The following ZSCAN10 variants were observed in gnomAD, a reference collection of about 807,000 sequenced individuals.
ZSCAN10 encodes zinc finger and SCAN domain containing 10, also known as zinc finger and SCAN domain-containing protein 10.
In ZSCAN10, 52 loss-of-function variants were observed where a neutral mutation model predicts 63.7. The observed-to-expected ratio is 0.82, with a 90% CI of 0.65 to 1.03. ZSCAN10 has a LOEUF of 1.03. Among genes scored for constraint, ZSCAN10 ranks in the 50% least tolerant of loss-of-function variants. The pLI is 0.00. For synonymous variants in ZSCAN10, 544 were observed against 479.6 expected (o/e 1.13, Z -1.76); for missense variants, 1,223 against 1,103.8 (o/e 1.11, Z -1.53).
chr16:3,095,638 T>A (rs1957143303), intron 1 of ZSCAN10, among the ~76,000 whole-genome samples: 1 of 148,742 alleles, frequency 6.7e-6, no homozygotes, highest in South Asian at 2.1e-4. Flanking sequence ...ACCATCCTGG[T>A]TAACACGGTG....
chr16:3,097,745 A>G (rs1489794136), intron 1 of ZSCAN10, among the ~76,000 whole-genome samples: 1 of 152,194 alleles, frequency 6.6e-6, no homozygotes, highest in East Asian at 1.9e-4. Context: ...GTCTAGTTCA[A>G]TGAGTGTTCA....
intron 1 of ZSCAN10, among the ~76,000 whole-genome samples, chr16:3,098,067 GAA>G (rs1289644028): frequency 7.7e-6 from 1 of 130,494 alleles, no homozygotes; most frequent in East Asian, 2.2e-4. Flanking sequence ...AAAAAAGAAA[GAA>G]AGAAAGAAAA....
chr16:3,091,403 G>T (rs935234828), intron 5 of ZSCAN10, 137 bp downstream of exon 5: 1 of 915,372 alleles, frequency 1.1e-6, no homozygotes, highest in South Asian at 1.5e-5. Context: ...TAGTACTTTG[G>T]GAGGCTGAGG....
At position 3,089,353 on chromosome 16, in the gene ZSCAN10, G is replaced by T; in HGVS notation, c.2081C>A (p.Thr694Lys). 6.3e-7 allele frequency: 1 copy of T among 1,596,094 alleles called. No homozygotes were observed. ...GTTGCGCCGGAAGCTGCGACCGCAC[G>T]TCTGACAGCTGTAGGGCCGCTCGCC... is the stretch of plus-strand genomic sequence containing the variant. ...HTGERPYSCQTCGRSFRRNAH... is the reference protein window; with the variant it reads ...HTGERPYSCQKCGRSFRRNAH... Residue 694 changes from threonine (T) to lysine (K), a missense_variant, in exon 6 of 6, where the codon ACG becomes AAG. Transcript: ENST00000576985.
rs770431759 is a variant in ZSCAN10 at position 3,090,319 on chromosome 16, G to C, written c.1115C>G (p.Ala372Gly). 6.2e-7 allele frequency: 1 copy of C among 1,609,752 alleles called. No individual in the cohort carries two copies. The highest frequency in any genetic ancestry group is 8.5e-7 in the Non-Finnish European group (1 of 1,178,644). Residue 372 changes from alanine (A) to glycine (G), a missense_variant, in exon 6 of 6, where the codon GCT (alanine) becomes GGT (glycine). Physicochemically the swap from Ala to Gly is moderately conservative, Grantham distance 60 (BLOSUM62 0). Transcript: ENST00000576985. Reference protein sequence around the residue: ...LKAHQLRSHPAGRSFLCLCCG... With the variant: ...LKAHQLRSHPGGRSFLCLCCG... ...GCAAAGGCACAGGAAGGAGCGCCCA[G>C]CCGGGTGCGAGCGCAGCTGGTGCGC...
chr16:3,093,104 G>T, intron 1 of ZSCAN10, 100 bp from the exon 2 acceptor site: 1 of 921,798 alleles, frequency 1.1e-6, no homozygotes, highest in Non-Finnish European at 1.4e-6. Context: ...AGACCCAGAG[G>T]AATCGCTTTT....
Position 3,091,545 on chromosome 16 carries a change from G to C in ZSCAN10, c.782C>G (p.Pro261Arg). The change falls in exon 5 of 6, where the codon CCC (proline) becomes CGC (arginine). Residue 261 changes from proline (P) to arginine (R), a missense_variant. Transcript: ENST00000576985. ...TCCAGGGAAGGGTTGCTTACCCAGG[G>C]GGTGTGCAGGCCACGCCTTATTCTC... ...VPENKAWPAH[P>R]LGFGSRTPDK... 1 of 1,614,158 alleles carries C rather than the reference G, an allele frequency of 6.2e-7. No individual in the cohort carries two copies. Among genetic ancestry groups the C allele is most frequent in the East Asian group, 2.2e-5 (1 of 44,888 alleles).
intron 5 of ZSCAN10, among the ~76,000 whole-genome samples, chr16:3,091,171 G>A (rs1957069431): frequency 6.6e-6 from 1 of 152,166 alleles, no homozygotes. Flanking sequence ...AGTTAGCTGG[G>A]CGTGGTGGCA....
intron 1 of ZSCAN10, among the ~76,000 whole-genome samples, chr16:3,098,664 G>A (rs748752645): frequency 6.6e-6 from 1 of 152,150 alleles, no homozygotes; most frequent in Non-Finnish European, 1.5e-5. Context: ...ACCTCTGTTG[G>A]GGGTGGGCTG....
chr16:3,096,549 A>G (rs1957155004), intron 1 of ZSCAN10: 1 of 152,246 alleles, frequency 6.6e-6, no homozygotes, highest in Admixed American at 6.5e-5. Flanking sequence ...TACAACACCA[A>G]GCACCGCAGC....
intron 1 of ZSCAN10, among the ~76,000 whole-genome samples, chr16:3,096,915 T>C (rs2151218955): frequency 6.8e-6 from 1 of 146,040 alleles, no homozygotes; most frequent in East Asian, 2.0e-4. Flanking sequence ...GGCGACAGAA[T>C]TAGACTCTGC....
chr16:3,091,815 G>C lies in ZSCAN10; in HGVS notation c.678C>G (p.Pro226=), dbSNP rs776231045. 1.4e-5 allele frequency: 22 copies of C among 1,571,990 alleles called. No individual in the cohort carries two copies. Among genetic ancestry groups the C allele is most frequent in the Non-Finnish European group, 1.9e-5 (22 of 1,158,500 alleles). ...QALQESSPQG[P]SPWPEESSRD... is the part of the protein sequence containing the mutation. ...GGGAACTCTCCTCTGGCCATGGTGA[G>C]GGGCCCTGGGGACCTGACGGCATTG... Residue 226 remains proline (P), a synonymous_variant, in exon 4 of 6, where the codon CCC becomes CCG. Transcript: ENST00000576985.
Position 3,092,206 on chromosome 16 carries a change from C to T in ZSCAN10, c.507G>A (p.Ala169=), listed in dbSNP as rs376641050. 44 of 1,612,502 alleles carry T rather than the reference C, an allele frequency of 2.7e-5. No homozygotes were observed. Among genetic ancestry groups the T allele is most frequent in the Admixed American group, 1.2e-4 (7 of 60,008 alleles). ...ATGGGCCCAGCACTGAAGGCTCTTC[C>T]GCAGGCAATTCCTTCTTGGGGCTGT... ...PSHSPKKELP[A]EEPSVLGPSD... Residue 169 remains alanine (A), a synonymous_variant, in exon 3 of 6, where the codon GCG becomes GCA. Coordinates refer to ENST00000576985, the MANE Select transcript of ZSCAN10 (RefSeq NM_032805.3).
At chr16:3,098,992 G>A (rs1957189621) in intron 1 of ZSCAN10, among the ~76,000 whole-genome samples, 198 bp downstream of exon 1, 1 of 152,156 alleles carries the variant, frequency 6.6e-6, no homozygotes, top group Non-Finnish European at 1.5e-5. Flanking sequence ...GATCTCCCTC[G>A]TCCCCAACGC....
chr16:3,096,137 G>A (rs1334343791), intron 1 of ZSCAN10, among the ~76,000 whole-genome samples: 2 of 152,194 alleles, frequency 1.3e-5, no homozygotes, highest in Admixed American at 6.5e-5. Context: ...GGGAACCTCC[G>A]AAATTTCGGC....
rs374608894 is a variant in ZSCAN10, at chr16:3,090,144, G to A, written c.1290C>T (p.Pro430=). The A allele has an allele frequency of 1.2e-6, 2 of 1,600,484 alleles. No individual in the cohort carries two copies. Among genetic ancestry groups the A allele is most frequent in the South Asian group, 1.1e-5 (1 of 90,410 alleles). The part of the protein sequence containing the change: ...SKHLLTHSSE[P]AFLCAECGRG... ...GGCCGCACTCTGCGCACAGGAAGGC[G>A]GGTTCGGAGGAGTGGGTCAGCAGGT... Residue 430 remains proline, a synonymous_variant, in exon 6 of 6, where the codon CCC becomes CCT. Coordinates refer to ENST00000576985, the MANE Select transcript of ZSCAN10 (RefSeq NM_032805.3).
chr16:3,092,448 G>T, intron 2 of ZSCAN10, 94 bp downstream of exon 2: 1 of 1,477,490 alleles, frequency 6.8e-7, no homozygotes, highest in Non-Finnish European at 9.0e-7. Flanking sequence ...GGAATGGTCA[G>T]GTGGGGGAAA....
intron 1 of ZSCAN10, among the ~76,000 whole-genome samples, chr16:3,094,159 C>T (rs759997215): frequency 3.3e-5 from 5 of 152,064 alleles, no homozygotes; most frequent in Non-Finnish European, 7.4e-5. Flanking sequence ...ACTACAGGTG[C>T]ATATCACCAT....
At position 3,090,297 on chromosome 16, in the gene ZSCAN10, A is replaced by G. The variant is rs779361754; in HGVS notation, c.1137T>C (p.Leu379=). ...SHPAGRSFLC[L]CCGKSFGRSS... is the part of the protein sequence containing the mutation. ...TGCGGCCGAAGCTCTTCCCGCAGCA[A>G]AGGCACAGGAAGGAGCGCCCAGCCG... The change falls in exon 6 of 6, where the codon CTT becomes CTC. Residue 379 remains leucine (L), a synonymous_variant. Coordinates refer to ENST00000576985, the MANE Select transcript of ZSCAN10 (RefSeq NM_032805.3). 1 of 1,609,312 alleles carries G rather than the reference A, an allele frequency of 6.2e-7. No homozygotes were observed.
Sources: allele counts gnomAD v4.1 joint callset (sites outside exome capture counted in the v4.1 genomes callset), GRCh38; gene constraint gnomAD v4.1.1; transcripts MANE v1.5; gene names NCBI Gene and HGNC (gene_info 2026-07-23, HGNC 2026-07-21).